The following MOCOS variants were observed in gnomAD, a reference collection of about 807,000 sequenced individuals.
MOCOS encodes molybdenum cofactor sulfurase, also known as human molybdenum cofactor sulfurase.
MOCOS carries 86 observed loss-of-function variants against 83.6 expected under a neutral mutation model. That is an observed-to-expected ratio of 1.03 (90% CI 0.86 to 1.23). The LOEUF is 1.23. Ranked by LOEUF, MOCOS falls within the 50% of genes most tolerant of loss-of-function variation. The pLI is 0.00. For synonymous variants in MOCOS, 445 were observed against 434.7 expected, an observed-to-expected ratio of 1.02 and a Z score of -0.29; for missense variants, 1,120 against 1,126.9, an observed-to-expected ratio of 0.99 and a Z score of 0.09.
intron 9 of MOCOS, among the ~76,000 whole-genome samples, chr18:36,235,167 A>T (rs146170523): frequency 0.023 from 3,496 of 151,350 alleles, 107 homozygotes; most frequent in East Asian, 0.13. Flanking sequence ...GTTTTAGGGT[A>T]CATGTGCACA....
chr18:36,268,535 G>A lies in MOCOS; in HGVS notation c.2517G>A (p.Val839=). The change falls in exon 15 of 15, where the codon GTG becomes GTA. Residue 839 remains valine (V), a splice_region_variant and synonymous_variant. Transcript: ENST00000261326. ...TGTTGTTGCTGTTTTGTTCACAGGT[G>A]AACTTTGGCATGTACCTGATGCATG... ...QKLSESRETK[V]NFGMYLMHAS... is the part of the protein sequence containing the mutation. 1 of 1,614,086 alleles carries A rather than the reference G, an allele frequency of 6.2e-7. No homozygotes were observed. The highest frequency in any genetic ancestry group is 8.5e-7 in the Non-Finnish European group (1 of 1,180,028).
intron 9 of MOCOS, among the ~76,000 whole-genome samples, chr18:36,227,080 T>C (rs982867962): frequency 1.3e-5 from 2 of 151,958 alleles, no homozygotes; most frequent in African/African-American, 4.8e-5. Context: ...GGCTAATTTT[T>C]GTATTTTTTT....
At chr18:36,187,712 G>A (rs2091346978) in intron 1 of MOCOS, 31 bp downstream of exon 1, 2 of 1,256,782 alleles carry the variant, frequency 1.6e-6, no homozygotes, top group Admixed American at 7.8e-5. Context: ...TGGGGGACAC[G>A]AGGTTTCTGG....
chr18:36,208,410 C>A lies in MOCOS; in HGVS notation c.1218+3134C>A, dbSNP rs183574591. The stretch of plus-strand genomic sequence containing the variant: ...GGGCAGTGTGAACATCTTAACAATA[C>A]TGATTGTTCCTATCCATGAGTATGG... On this transcript the variant is annotated intron_variant, in intron 6 of 14. Coordinates refer to ENST00000261326, the MANE Select transcript of MOCOS (RefSeq NM_017947.4). 2.7e-3 allele frequency among the ~76,000 whole-genome samples: 409 copies of A among 152,162 alleles called. 3 individuals carry two copies. Among genetic ancestry groups the A allele is most frequent in the African/African-American group, 9.6e-3 (398 of 41,520 alleles).
chr18:36,226,037 C>T (rs533224964), intron 9 of MOCOS, among the ~76,000 whole-genome samples: 13 of 151,130 alleles, frequency 8.6e-5, no homozygotes, highest in South Asian at 2.1e-4. Context: ...TTGGGTGAAA[C>T]GTTTTATGTA....
At chr18:36,209,904 A>G (rs2091448033) in intron 6 of MOCOS, among the ~76,000 whole-genome samples, 1 of 152,136 alleles carries the variant, frequency 6.6e-6, no homozygotes, top group Admixed American at 6.5e-5. Context: ...GGGTTTTGTC[A>G]TGTTGCCCAG....
At chr18:36,231,047 A>G (rs1045696391) in intron 9 of MOCOS, among the ~76,000 whole-genome samples, 1 of 152,190 alleles carries the variant, frequency 6.6e-6, no homozygotes, top group Non-Finnish European at 1.5e-5. Flanking sequence ...GAAGTTTCAA[A>G]AATAAGAATG....
At chr18:36,190,176 T>G (rs2091359458) in intron 1 of MOCOS, 1 of 152,250 alleles carries the variant, frequency 6.6e-6, no homozygotes, top group South Asian at 2.1e-4. Context: ...AGGTCTCACC[T>G]GTGGCCTTGA....
At chr18:36,240,842 G>A (rs886914313) in intron 9 of MOCOS, among the ~76,000 whole-genome samples, 19 of 152,152 alleles carry the variant, frequency 1.2e-4, no homozygotes, top group African/African-American at 4.6e-4. Flanking sequence ...GTGGTGCGCC[G>A]TTTTTTAAGC....
chr18:36,242,975 AGGTATCTTTT>A (rs1568064034), intron 9 of MOCOS, among the ~76,000 whole-genome samples: 1 of 152,094 alleles, frequency 6.6e-6, no homozygotes, highest in African/African-American at 2.4e-5. Context: ...TTTTCCTTGT[AGGTATCTTTT>A]CCTCCTTGGT....
intron 9 of MOCOS, 143 bp downstream of exon 9, chr18:36,220,360 T>A: frequency 9.8e-7 from 1 of 1,016,512 alleles, no homozygotes; most frequent in Non-Finnish European, 1.4e-6. Flanking sequence ...AAAAAAAAAT[T>A]ATCCTGGGTG....
intron 13 of MOCOS, among the ~76,000 whole-genome samples, chr18:36,261,797 C>A (rs1286838817): frequency 6.6e-6 from 1 of 152,108 alleles, no homozygotes; most frequent in Admixed American, 6.6e-5. Flanking sequence ...TCCTTATTTT[C>A]TATCCCTGTG....
intron 1 of MOCOS, among the ~76,000 whole-genome samples, chr18:36,193,130 C>T (rs112356137): frequency 0.14 from 19,730 of 145,496 alleles, 1,492 homozygotes; most frequent in East Asian, 0.29. Context: ...GCTAACAAGG[C>T]GAAACCCCGT....
intron 9 of MOCOS, among the ~76,000 whole-genome samples, chr18:36,243,577 TTTTG>T (rs2091591922): frequency 6.6e-6 from 1 of 152,202 alleles, no homozygotes; most frequent in East Asian, 1.9e-4. Context: ...AGTTTTCTTT[TTTTG>T]TTGTTATGTC....
At chr18:36,248,845 C>T in intron 9 of MOCOS, 77 bp from the exon 10 acceptor site, 1 of 1,221,124 alleles carries the variant, frequency 8.2e-7, no homozygotes. Flanking sequence ...GTTACTACAG[C>T]TTTGTAGTAT....
rs1454471228 is a variant in MOCOS at position 36,237,621 on chromosome 18, T to A, written c.1961-11301T>A. On this transcript the variant is annotated intron_variant, in intron 9 of 14. Coordinates refer to ENST00000261326, the MANE Select transcript of MOCOS (RefSeq NM_017947.4). ...CTTTGGTTGTGTCTCTGCCTGGCTTTGGTATCAGAATGATGCTGGCCTCAT... is the reference window on the plus strand; with the variant it reads ...CTTTGGTTGTGTCTCTGCCTGGCTTAGGTATCAGAATGATGCTGGCCTCAT... Among the ~76,000 whole-genome samples, 109 of 152,290 alleles carry A rather than the reference T, an allele frequency of 7.2e-4. 1 individual carries two copies. The highest frequency in any genetic ancestry group is 1.8e-3 in the African/African-American group (76 of 41,544).
At chr18:36,219,365 C>G (rs1178964722) in intron 8 of MOCOS, among the ~76,000 whole-genome samples, 1 of 151,954 alleles carries the variant, frequency 6.6e-6, no homozygotes, top group Non-Finnish European at 1.5e-5. Flanking sequence ...TGGACAGACA[C>G]CACTGCTAAG....
intron 9 of MOCOS, among the ~76,000 whole-genome samples, chr18:36,239,744 C>A (rs1415780968): frequency 6.7e-6 from 1 of 148,880 alleles, no homozygotes; most frequent in African/African-American, 2.5e-5. Context: ...CAACTTGGTT[C>A]CATTCTCCCC....
intron 1 of MOCOS, among the ~76,000 whole-genome samples, chr18:36,195,013 A>T (rs1182466838): frequency 6.6e-6 from 1 of 152,234 alleles, no homozygotes; most frequent in Non-Finnish European, 1.5e-5. Context: ...ATGCTGTTCC[A>T]GGTTCACAAA....
Sources: gnomAD v4.1 joint callset for allele counts (sites outside exome capture counted in the v4.1 genomes callset) on GRCh38, gnomAD v4.1.1 for gene constraint, MANE v1.5 for transcripts, NCBI Gene and HGNC (gene_info 2026-07-23, HGNC 2026-07-21) for gene names.